The following MPRIP variants were observed in gnomAD, a reference collection of about 807,000 sequenced individuals.
MPRIP encodes the protein myosin phosphatase Rho interacting protein, also known as myosin phosphatase Rho-interacting protein.
A neutral mutation model predicts 234.9 loss-of-function variants in MPRIP; 59 were observed. That is an observed-to-expected ratio of 0.25 (90% CI 0.20 to 0.31). The LOEUF (loss-of-function observed/expected upper bound fraction) is 0.31. Among genes scored for constraint, MPRIP ranks in the 10% least tolerant of loss-of-function variants. The pLI is 1.00. For missense variants in MPRIP, 2,436 were observed against 3,071.0 expected (o/e 0.79, Z 4.89); for synonymous variants, 1,144 against 1,263.9 (o/e 0.91, Z 2.01).
intron 3 of MPRIP, among the ~76,000 whole-genome samples, chr17:17,112,191 C>T (rs972050030): frequency 5.3e-5 from 8 of 152,140 alleles, no homozygotes; most frequent in Non-Finnish European, 1.2e-4. Flanking sequence ...TGGGTAACGG[C>T]GCTTTCTTAT....
intron 5 of MPRIP, among the ~76,000 whole-genome samples, chr17:17,132,393 G>C (rs2090614602): frequency 6.6e-6 from 1 of 152,224 alleles, no homozygotes; most frequent in Non-Finnish European, 1.5e-5. Context: ...AGATTGTTGT[G>C]AGCATGAAAG....
intron 3 of MPRIP, among the ~76,000 whole-genome samples, chr17:17,089,731 C>T (rs941126537): frequency 1.3e-5 from 2 of 152,118 alleles, no homozygotes; most frequent in Admixed American, 6.5e-5. Flanking sequence ...CCAGAGACTG[C>T]CCTGATGGAT....
chr17:17,089,887 T>A (rs566088573), intron 3 of MPRIP, among the ~76,000 whole-genome samples: 1 of 152,272 alleles, frequency 6.6e-6, no homozygotes, highest in East Asian at 1.9e-4. Context: ...GAGAAGTGGC[T>A]TTTGCTCCGG....
At chr17:17,126,101 G>T (rs992301793) in intron 3 of MPRIP, among the ~76,000 whole-genome samples, 1 of 152,192 alleles carries the variant, frequency 6.6e-6, no homozygotes, top group Admixed American at 6.5e-5. Context: ...TAATTTCAGT[G>T]TGTAACAGTT....
intron 13 of MPRIP, among the ~76,000 whole-genome samples, chr17:17,155,671 T>C (rs773388286): frequency 6.6e-6 from 1 of 152,278 alleles, no homozygotes; most frequent in Non-Finnish European, 1.5e-5. Context: ...CATTTGTTCA[T>C]GACTTCATTT....
At chr17:17,116,610 C>G (rs146708004) in intron 3 of MPRIP, among the ~76,000 whole-genome samples, 333 of 152,358 alleles carry the variant, frequency 2.2e-3, no homozygotes, top group African/African-American at 7.8e-3. Context: ...TCCCAGCTGG[C>G]CTCATCTAGC....
chr17:17,102,036 A>AT (rs916730970), intron 3 of MPRIP, among the ~76,000 whole-genome samples: 80 of 147,050 alleles, frequency 5.4e-4, no homozygotes, highest in Admixed American at 1.1e-3. Flanking sequence ...TCCTATCTTC[A>AT]TTTTTTTTTT....
intron 1 of MPRIP, among the ~76,000 whole-genome samples, chr17:17,061,995 G>A (rs1196167519): frequency 6.6e-6 from 1 of 151,910 alleles, no homozygotes; most frequent in Non-Finnish European, 1.5e-5. Flanking sequence ...ATAAAAAATG[G>A]CATGGAAGGA....
chr17:17,153,028 T>C (rs2045635814), intron 12 of MPRIP, among the ~76,000 whole-genome samples: 1 of 152,176 alleles, frequency 6.6e-6, no homozygotes, highest in Non-Finnish European at 1.5e-5. Flanking sequence ...AACAGCTGTA[T>C]GTGGAGTGCT....
intron 1 of MPRIP, among the ~76,000 whole-genome samples, chr17:17,046,061 T>G (rs951935165): frequency 1.3e-5 from 2 of 152,218 alleles, no homozygotes; most frequent in Non-Finnish European, 2.9e-5. Context: ...TGCCTCGGCC[T>G]CCCAAAGTGC....
chr17:17,152,270 C>T (rs941598091), intron 12 of MPRIP, among the ~76,000 whole-genome samples: 43 of 152,242 alleles, frequency 2.8e-4, no homozygotes, highest in African/African-American at 9.9e-4. Context: ...GAGGGGTAGG[C>T]GGGCATAGTG....
chr17:17,140,016 A>G (rs7208973), intron 7 of MPRIP, among the ~76,000 whole-genome samples: 127,499 of 152,272 alleles, frequency 0.84, 53,617 homozygotes, highest in East Asian at 0.99. Flanking sequence ...GGCCTTAGCC[A>G]GGAAGTCCCT....
chr17:17,125,484 C>A (rs1169342880), intron 3 of MPRIP, among the ~76,000 whole-genome samples: 2 of 152,222 alleles, frequency 1.3e-5, no homozygotes, highest in African/African-American at 2.4e-5. Context: ...CGGTCTGACT[C>A]CTGCAGGCAG....
rs549041700 is a variant in MPRIP, at chr17:17,190,500, G to T, written c.*5606G>T. 1 of 152,350 alleles carries T rather than the reference G, an allele frequency of 6.6e-6. No homozygotes were observed. Among genetic ancestry groups the T allele is most frequent in the East Asian group, 1.9e-4 (1 of 5,190 alleles). The allele number at this position is 152,350 out of a possible 1,614,324, so 9.4% of individuals were successfully genotyped here. A position where few individuals can be genotyped will look rare whatever the true frequency, so the allele number is the denominator to read the frequency against. On this transcript the variant is annotated 3_prime_UTR_variant, in exon 24 of 24. Coordinates refer to ENST00000651222, the MANE Select transcript of MPRIP (RefSeq NM_001364716.4). ...ATACCGTGCTGTAGGCTCTTTAAAAGGAAAGCCTGGCATAAACCCAGCATG... is the reference window on the plus strand; with the variant it reads ...ATACCGTGCTGTAGGCTCTTTAAAATGAAAGCCTGGCATAAACCCAGCATG...
chr17:17,054,314 G>C (rs940010241), intron 1 of MPRIP, among the ~76,000 whole-genome samples: 8 of 152,318 alleles, frequency 5.3e-5, no homozygotes, highest in African/African-American at 1.9e-4. Flanking sequence ...CGGTGGGCTG[G>C]CTGAGTGCTT....
intron 1 of MPRIP, among the ~76,000 whole-genome samples, chr17:17,068,311 C>T (rs187516563): frequency 1.4e-4 from 22 of 151,950 alleles, no homozygotes; most frequent in Non-Finnish European, 2.2e-4. Context: ...CCACTACGCC[C>T]GGCTAATTTT....
intron 1 of MPRIP, among the ~76,000 whole-genome samples, chr17:17,056,095 C>T (rs1194402956): frequency 1.3e-5 from 2 of 152,196 alleles, no homozygotes; most frequent in African/African-American, 2.4e-5. Flanking sequence ...CTGTGTGTGG[C>T]CCCCTTGGCC....
intron 1 of MPRIP, among the ~76,000 whole-genome samples, chr17:17,071,134 A>G (rs2089182732): frequency 1.3e-5 from 2 of 152,164 alleles, no homozygotes; most frequent in Non-Finnish European, 1.5e-5. Context: ...GTCTTCTGAC[A>G]CCACCCTGGC....
At chr17:17,104,749 G>T (rs2090031156) in intron 3 of MPRIP, among the ~76,000 whole-genome samples, 1 of 152,170 alleles carries the variant, frequency 6.6e-6, no homozygotes, top group Admixed American at 6.5e-5. Flanking sequence ...GGGAGCCGCT[G>T]CCTCCCTTCG....
Sources: gnomAD v4.1 joint callset for allele counts (sites outside exome capture counted in the v4.1 genomes callset) on GRCh38, gnomAD v4.1.1 for gene constraint, MANE v1.5 for transcripts, NCBI Gene and HGNC (gene_info 2026-07-23, HGNC 2026-07-21) for gene names.